DLGAP1: variants seen among roughly 807,000 people sequenced by gnomAD.
DLGAP1 encodes disks large-associated protein 1.
A neutral mutation model predicts 90.8 loss-of-function variants in DLGAP1; 11 were observed. The observed-to-expected ratio is 0.12, with a 90% CI of 0.08 to 0.20. DLGAP1 has a LOEUF of 0.20. Ranked by LOEUF, DLGAP1 falls within the 10% of genes least tolerant of loss-of-function variation. The pLI, the probability that DLGAP1 is intolerant of heterozygous loss-of-function variation, is 1.00. For missense variants in DLGAP1, 1,050 were observed against 1,333.8 expected (o/e 0.79, Z 3.31); for synonymous variants, 558 against 540.7 (o/e 1.03, Z -0.44).
chr18:3,924,393 T>A (rs996534253), intron 3 of DLGAP1, among the ~76,000 whole-genome samples: 1 of 152,198 alleles, frequency 6.6e-6, no homozygotes, highest in African/African-American at 2.4e-5. Context: ...CCTCCCCCAC[T>A]GCCACCCTAT....
chr18:4,229,417 C>T (rs1203013965), intron 1 of DLGAP1, among the ~76,000 whole-genome samples: 1 of 152,032 alleles, frequency 6.6e-6, no homozygotes, highest in Non-Finnish European at 1.5e-5. Flanking sequence ...CATTATCTGA[C>T]TTCAAATTAT....
chr18:3,863,663 T>C (rs1315796379), intron 4 of DLGAP1, among the ~76,000 whole-genome samples: 1 of 152,192 alleles, frequency 6.6e-6, no homozygotes, highest in African/African-American at 2.4e-5. Context: ...AGTGCATGGA[T>C]GCGATGTGAA....
intron 1 of DLGAP1, among the ~76,000 whole-genome samples, chr18:4,160,547 A>G (rs2076827461): frequency 6.6e-6 from 1 of 152,220 alleles, no homozygotes; most frequent in Non-Finnish European, 1.5e-5. Flanking sequence ...AGGTAGGTTC[A>G]ATGATTATTA....
chr18:3,639,824 G>C (rs539093320), intron 7 of DLGAP1, among the ~76,000 whole-genome samples: 2 of 136,032 alleles, frequency 1.5e-5, no homozygotes, highest in Admixed American at 7.4e-5. Context: ...GCGCGATCTC[G>C]GCTCACTGCA....
chr18:3,895,321 ATCATCAT>A (rs1202360016), intron 3 of DLGAP1, among the ~76,000 whole-genome samples: 1 of 104,770 alleles, frequency 9.5e-6, no homozygotes, highest in Non-Finnish European at 2.0e-5. Context: ...ACACACACAC[ATCATCAT>A]CATCATCATC....
At chr18:4,386,233 G>A (rs774627432) in intron 1 of DLGAP1, among the ~76,000 whole-genome samples, 4 of 152,048 alleles carry the variant, frequency 2.6e-5, no homozygotes, top group Admixed American at 1.3e-4. Flanking sequence ...TCAGAATGCC[G>A]ACCAGATCGA....
intron 3 of DLGAP1, among the ~76,000 whole-genome samples, chr18:3,992,907 C>T (rs1886716181): frequency 6.6e-6 from 1 of 152,160 alleles, no homozygotes; most frequent in Non-Finnish European, 1.5e-5. Flanking sequence ...GACACCTCAG[C>T]AATGTAGCAT....
intron 1 of DLGAP1, among the ~76,000 whole-genome samples, chr18:4,306,520 G>T (rs1463959506): frequency 2.0e-5 from 3 of 151,614 alleles, no homozygotes; most frequent in Admixed American, 6.6e-5. Context: ...AAAGGGGAAG[G>T]AGTGGGAGAG....
intron 3 of DLGAP1, among the ~76,000 whole-genome samples, chr18:3,927,830 A>G (rs2072426536): frequency 6.6e-6 from 1 of 152,170 alleles, no homozygotes; most frequent in South Asian, 2.1e-4. Context: ...TCCCAATATA[A>G]TCCATAGGTT....
chr18:3,581,977 G>A lies in DLGAP1; in HGVS notation c.1863C>T (p.Asn621=). 1 of 1,614,056 alleles carries A rather than the reference G, an allele frequency of 6.2e-7. No individual in the cohort carries two copies. ...HGPASQHMGN[N]TATVTTTTTI... ...TAGTCGTGGTGGTGACGGTGGCAGT[G>A]TTATTGCCCATGTGTTGACTGGCAG... Residue 621 remains asparagine, a synonymous_variant, in exon 8 of 13, where the codon AAC becomes AAT. Transcript: ENST00000315677.
At chr18:4,062,984 CAA>C in intron 2 of DLGAP1, among the ~76,000 whole-genome samples, 1 of 152,196 alleles carries the variant, frequency 6.6e-6, no homozygotes, top group Admixed American at 6.5e-5. Flanking sequence ...TATACACACA[CAA>C]AAATACATTA....
At chr18:3,974,115 G>T (rs1041964704) in intron 3 of DLGAP1, among the ~76,000 whole-genome samples, 1 of 150,630 alleles carries the variant, frequency 6.6e-6, no homozygotes, top group Non-Finnish European at 1.5e-5. Flanking sequence ...TCACTCCCTC[G>T]CCAGGCTGGA....
In DLGAP1 at chr18:3,517,504, C is replaced by G. The variant is rs1419801256; in HGVS notation, c.2480-8843G>C. On this transcript the variant is annotated intron_variant, in intron 10 of 12. Coordinates refer to ENST00000315677, the MANE Select transcript of DLGAP1 (RefSeq NM_004746.4). This position sits in a 1 kb window ranked among gnomAD's most constrained non-coding sequence, Gnocchi z 4.1. Reference sequence around the variant, plus strand: ...AACTTTTCTTCTTCAGCTTCCTCACCTCTCTCAGCTTTCATAGAATTGAAG... The same window carrying G: ...AACTTTTCTTCTTCAGCTTCCTCACGTCTCTCAGCTTTCATAGAATTGAAG... Among the ~76,000 whole-genome samples, 2 of 152,198 alleles carry G rather than the reference C, an allele frequency of 1.3e-5. No individual in the cohort carries two copies. The highest frequency in any genetic ancestry group is 2.9e-5 in the Non-Finnish European group (2 of 68,042).
chr18:3,836,823 A>G (rs2068414749), intron 4 of DLGAP1, among the ~76,000 whole-genome samples: 1 of 152,288 alleles, frequency 6.6e-6, no homozygotes, highest in South Asian at 2.1e-4. Flanking sequence ...GATTCTGCCA[A>G]TGCTTTTAAT....
At chr18:4,386,442 AC>A (rs1380246084) in intron 1 of DLGAP1, among the ~76,000 whole-genome samples, 15 of 152,248 alleles carry the variant, frequency 9.9e-5, no homozygotes, top group African/African-American at 3.4e-4. Flanking sequence ...TCAGGAGATT[AC>A]AGTCCACTGG....
At chr18:4,023,477 C>T (rs890878420) in intron 2 of DLGAP1, among the ~76,000 whole-genome samples, 3 of 152,144 alleles carry the variant, frequency 2.0e-5, no homozygotes, top group African/African-American at 7.2e-5. Flanking sequence ...AGTGTATTCG[C>T]ATTCTTGTAC....
rs1568279398 is a variant in DLGAP1 at position 3,600,927 on chromosome 18, T to TAGATATAG, written c.1592-18680_1592-18679insCTATATCT. Among the ~76,000 whole-genome samples, 2 of 76,422 alleles carry TAGATATAG rather than the reference T, an allele frequency of 2.6e-5. 1 individual carries two copies. The highest frequency in any genetic ancestry group is 6.8e-5 in the Non-Finnish European group (2 of 29,538). 50.1% of individuals were successfully genotyped at this position (76,422 alleles called of 152,430 possible). A position where few individuals can be genotyped will look rare whatever the true frequency, so the allele number is the denominator to read the frequency against. ...AGATATATAGATAGATATAGATATA[T>TAGATATAG]ATAGATATATAGATAGATATATAGA... On this transcript the variant is annotated intron_variant, in intron 7 of 12. Transcript: ENST00000315677.
chr18:4,076,686 T>C (rs898151415), intron 2 of DLGAP1, among the ~76,000 whole-genome samples: 2 of 152,054 alleles, frequency 1.3e-5, no homozygotes, highest in Admixed American at 6.6e-5. Flanking sequence ...TGCAGTGGCG[T>C]GATCTCGGCT....
At position 3,497,772 on chromosome 18, in the gene DLGAP1, T is replaced by C. The variant is rs2049743283; in HGVS notation, c.*1413A>G. 6.6e-6 allele frequency: 1 copy of C among 152,170 alleles called. No homozygotes were observed. Among genetic ancestry groups the C allele is most frequent in the African/African-American group, 2.4e-5 (1 of 41,436 alleles). The allele number at this position is 152,170 out of a possible 1,614,324, so 9.4% of individuals were successfully genotyped here. A position where few individuals can be genotyped will look rare whatever the true frequency, so the allele number is the denominator to read the frequency against. On this transcript the variant is annotated 3_prime_UTR_variant, in exon 13 of 13. Transcript: ENST00000315677. ...GCTAGACACCGATGCATACTGCCCA[T>C]CAATCAAGACTAAAAATCTAAATCA...
Sources: allele counts gnomAD v4.1 joint callset (sites outside exome capture counted in the v4.1 genomes callset), GRCh38; gene constraint gnomAD v4.1.1; non-coding constraint Gnocchi (gnomAD v3.1); transcripts MANE v1.5; gene names NCBI Gene and HGNC (gene_info 2026-07-23, HGNC 2026-07-21).